The following FAM171A1 variants were observed in gnomAD, a reference collection of about 807,000 sequenced individuals.
The protein encoded by FAM171A1 is family with sequence similarity 171 member A1.
FAM171A1 carries 23 observed loss-of-function variants against 74.9 expected under a neutral mutation model. The ratio of observed to expected loss-of-function variants is 0.31; its 90% CI spans 0.22 to 0.44. The LOEUF is 0.44. Among genes scored for constraint, FAM171A1 ranks in the 20% least tolerant of loss-of-function variants. The probability of loss-of-function intolerance (pLI) is 1.00; values close to 1 mark genes in which losing one functional copy is unlikely to be tolerated. For synonymous variants in FAM171A1, 527 were observed against 505.7 expected (o/e 1.04, Z -0.57); for missense variants, 1,162 against 1,159.2 (o/e 1.00, Z -0.03).
At chr10:15,330,713 C>CTTTTTTTTTT (rs898772126) in intron 1 of FAM171A1, among the ~76,000 whole-genome samples, 38 of 76,760 alleles carry the variant, frequency 5.0e-4, no homozygotes, top group Non-Finnish European at 7.0e-4. Flanking sequence ...TCTTCTTCTT[C>CTTTTTTTTTT]TTTTTTTTTT....
chr10:15,276,478 CAG>C (rs1834896873), intron 2 of FAM171A1, among the ~76,000 whole-genome samples: 1 of 152,152 alleles, frequency 6.6e-6, no homozygotes, highest in Non-Finnish European at 1.5e-5. Flanking sequence ...TGCGCCCAGC[CAG>C]AAGTTTTCAG....
At chr10:15,234,589 G>A (rs1056513929) in intron 5 of FAM171A1, among the ~76,000 whole-genome samples, 2 of 152,038 alleles carry the variant, frequency 1.3e-5, no homozygotes, top group African/African-American at 2.4e-5. Flanking sequence ...CTTTGGTTAC[G>A]GGAGGGGAAA....
At chr10:15,232,442 C>T (rs937826885) in intron 5 of FAM171A1, among the ~76,000 whole-genome samples, 5 of 152,150 alleles carry the variant, frequency 3.3e-5, no homozygotes, top group Non-Finnish European at 5.9e-5. Context: ...CAGCTTGTTT[C>T]GCCATTGTTT....
In FAM171A1 at chr10:15,370,978, C is replaced by T. The variant is rs1260585242; in HGVS notation, c.75G>A (p.Arg25=). ...HVWKAVTKTL[R]EPGAGAQEVT... ...GACCTTGGGCTCCGGCGCCGGGCTCCCGCAGCGTCTTGGTCACCGCCTTCC... is the reference window on the plus strand; with the variant it reads ...GACCTTGGGCTCCGGCGCCGGGCTCTCGCAGCGTCTTGGTCACCGCCTTCC... The change falls in exon 1 of 8, where the codon CGG becomes CGA. Residue 25 remains arginine (R), a synonymous_variant. Coordinates refer to ENST00000378116, the MANE Select transcript of FAM171A1 (RefSeq NM_001010924.2). The T allele has an allele frequency of 8.4e-7, 1 of 1,186,068 alleles. No homozygotes were observed. The highest frequency in any genetic ancestry group is 1.1e-6 in the Non-Finnish European group (1 of 935,830). The allele number at this position is 1,186,068 out of a possible 1,614,324, so 73.5% of individuals were successfully genotyped here. A position where few individuals can be genotyped will look rare whatever the true frequency, so the allele number is the denominator to read the frequency against.
intron 1 of FAM171A1, among the ~76,000 whole-genome samples, chr10:15,322,211 T>C (rs1212500476): frequency 1.3e-5 from 2 of 152,172 alleles, no homozygotes; most frequent in Non-Finnish European, 2.9e-5. Flanking sequence ...GGACAAATAA[T>C]GCGTTGCTTT....
intron 5 of FAM171A1, among the ~76,000 whole-genome samples, chr10:15,236,516 C>T (rs745378230): frequency 3.9e-5 from 6 of 151,934 alleles, no homozygotes; most frequent in Admixed American, 6.6e-5. Flanking sequence ...GACCACACAA[C>T]GAGTCACCAG....
In FAM171A1 at chr10:15,220,986, G is replaced by C. The variant is rs554506784; in HGVS notation, c.829C>G (p.Gln277Glu). ...SQLTWTYIAP[Q>E]LGYWVAAMSP... ...ATGGCGGCCACCCAGTACCCCAACT[G>C]GGGGGCAATGTATGTCCACGTCAGC... The change falls in exon 6 of 8, where the codon CAG becomes GAG. Residue 277 changes from glutamine to glutamate, a missense_variant. Transcript: ENST00000378116. 2.5e-6 allele frequency: 4 copies of C among 1,613,988 alleles called. No individual in the cohort carries two copies. The highest frequency in any genetic ancestry group is 2.5e-6 in the Non-Finnish European group (3 of 1,179,964).
At chr10:15,239,857 G>A (rs2131745357) in intron 5 of FAM171A1, among the ~76,000 whole-genome samples, 4 of 152,292 alleles carry the variant, frequency 2.6e-5, no homozygotes, top group African/African-American at 9.6e-5. Flanking sequence ...AAGTGTTTTG[G>A]ATTTTGGAAT....
chr10:15,374,088 G>A (rs1305237657), upstream of FAM171A1, among the ~76,000 whole-genome samples: 2 of 152,180 alleles, frequency 1.3e-5, no homozygotes, highest in East Asian at 3.8e-4. Context: ...GGACACCCCT[G>A]CGAGACGCTC....
chr10:15,226,652 A>G (rs1834111489), intron 5 of FAM171A1, among the ~76,000 whole-genome samples: 2 of 152,338 alleles, frequency 1.3e-5, no homozygotes, highest in South Asian at 4.1e-4. Context: ...GTGAATGTGA[A>G]TACAATTTTG....
At chr10:15,361,005 T>G (rs925546256) in intron 1 of FAM171A1, among the ~76,000 whole-genome samples, 56 of 152,300 alleles carry the variant, frequency 3.7e-4, no homozygotes, top group African/African-American at 1.3e-3. Context: ...AGGGTTATTA[T>G]TTTTTCGATC....
chr10:15,293,412 G>C (rs1300481473), intron 1 of FAM171A1, among the ~76,000 whole-genome samples: 4 of 151,962 alleles, frequency 2.6e-5, no homozygotes, highest in African/African-American at 7.3e-5. Flanking sequence ...CATGATACAA[G>C]GTACTGCAGG....
At chr10:15,227,141 A>G (rs1834119237) in intron 5 of FAM171A1, among the ~76,000 whole-genome samples, 1 of 152,130 alleles carries the variant, frequency 6.6e-6, no homozygotes, top group African/African-American at 2.4e-5. Flanking sequence ...CTGGGATTAC[A>G]GGCACCTGCC....
intron 1 of FAM171A1, among the ~76,000 whole-genome samples, chr10:15,364,742 C>A (rs1836038517): frequency 6.6e-6 from 1 of 152,198 alleles, no homozygotes; most frequent in Admixed American, 6.5e-5. Flanking sequence ...GTTTCCTTGC[C>A]TTTTCTGGCT....
chr10:15,263,691 C>CGATAA (rs1038114163), intron 3 of FAM171A1, among the ~76,000 whole-genome samples: 2 of 152,038 alleles, frequency 1.3e-5, no homozygotes, highest in African/African-American at 4.8e-5. Flanking sequence ...ATCTATGCAT[C>CGATAA]TATCAATCAT....
intron 1 of FAM171A1, among the ~76,000 whole-genome samples, chr10:15,289,805 C>T (rs1835081334): frequency 6.6e-6 from 1 of 152,216 alleles, no homozygotes; most frequent in African/African-American, 2.4e-5. Context: ...ATTTCAGTGT[C>T]TATAAAGTTT....
At chr10:15,324,219 T>C (rs1835521803) in intron 1 of FAM171A1, among the ~76,000 whole-genome samples, 1 of 152,124 alleles carries the variant, frequency 6.6e-6, no homozygotes. Flanking sequence ...ACTTGCTGCA[T>C]GCGCAACTGA....
At chr10:15,334,657 C>G (rs570764570) in intron 1 of FAM171A1, among the ~76,000 whole-genome samples, 28 of 152,206 alleles carry the variant, frequency 1.8e-4, no homozygotes, top group African/African-American at 6.7e-4. Flanking sequence ...CTGAGTTAAA[C>G]AAAGATCCTT....
At chr10:15,331,593 C>T (rs1319936292) in intron 1 of FAM171A1, among the ~76,000 whole-genome samples, 2 of 151,834 alleles carry the variant, frequency 1.3e-5, no homozygotes, top group African/African-American at 4.8e-5. Flanking sequence ...TAAAACTTAG[C>T]TCTAGAAATA....
Sources: allele counts gnomAD v4.1 joint callset (sites outside exome capture counted in the v4.1 genomes callset), GRCh38; gene constraint gnomAD v4.1.1; transcripts MANE v1.5; gene names NCBI Gene and HGNC (gene_info 2026-07-23, HGNC 2026-07-21).